The following WDPCP variants were observed in gnomAD, a reference collection of about 807,000 sequenced individuals.
WDPCP encodes WD repeat containing planar cell polarity effector, also known as WD repeat-containing and planar cell polarity effector protein fritz homolog.
WDPCP carries 71 observed loss-of-function variants against 93.1 expected under a neutral mutation model. The ratio of observed to expected loss-of-function variants is 0.76; its 90% CI spans 0.63 to 0.93. The LOEUF is 0.93. Ranked by LOEUF, WDPCP falls within the 40% of genes least tolerant of loss-of-function variation. WDPCP has a pLI of 0.00. For missense variants in WDPCP, 844 were observed against 887.4 expected, an observed-to-expected ratio of 0.95 and a Z score of 0.62; for synonymous variants, 315 against 315.0, an observed-to-expected ratio of 1.00 and a Z score of 0.00.
chr2:63,527,872 C>T (rs1703471663), intron 1 of WDPCP, among the ~76,000 whole-genome samples: 1 of 152,026 alleles, frequency 6.6e-6, no homozygotes, highest in Admixed American at 6.5e-5. Context: ...CACAGCCTCT[C>T]CAAGACCTGT....
chr2:63,341,853 C>T (rs1688863729), intron 12 of WDPCP, among the ~76,000 whole-genome samples: 1 of 152,096 alleles, frequency 6.6e-6, no homozygotes, highest in Non-Finnish European at 1.5e-5. Flanking sequence ...TACAGCCACC[C>T]CACCTCTCTT....
intron 1 of WDPCP, among the ~76,000 whole-genome samples, chr2:63,552,755 A>C (rs1705775911): frequency 6.6e-6 from 1 of 152,254 alleles, no homozygotes; most frequent in Admixed American, 6.5e-5. Flanking sequence ...AATACAGAGA[A>C]ATCATTAGGG....
At chr2:63,165,726 C>G (rs1672918571) in intron 15 of WDPCP, among the ~76,000 whole-genome samples, 1 of 150,792 alleles carries the variant, frequency 6.6e-6, no homozygotes, top group South Asian at 2.1e-4. Context: ...TTTTCAAATT[C>G]ATTTGCATAG....
chr2:63,151,538 CT>C (rs978978631), intron 17 of WDPCP, among the ~76,000 whole-genome samples: 1 of 151,970 alleles, frequency 6.6e-6, no homozygotes, highest in East Asian at 1.9e-4. Flanking sequence ...TGTTGTTGTT[CT>C]TTTTTTAAAA....
At chr2:63,781,932 T>G (rs1217111258) in intron 2 of WDPCP, among the ~76,000 whole-genome samples, 2 of 152,108 alleles carry the variant, frequency 1.3e-5, no homozygotes, top group Non-Finnish European at 2.9e-5. Flanking sequence ...CCTATGTGTG[T>G]GTGTATATAA....
intron 2 of WDPCP, among the ~76,000 whole-genome samples, chr2:63,729,530 A>G (rs1225495396): frequency 2.0e-5 from 3 of 152,144 alleles, no homozygotes; most frequent in African/African-American, 7.2e-5. Context: ...GCCAGGACCC[A>G]CATCTCCTAA....
chr2:63,509,998 A>G (rs1263358745), intron 1 of WDPCP, among the ~76,000 whole-genome samples: 5 of 151,002 alleles, frequency 3.3e-5, no homozygotes, highest in Non-Finnish European at 7.4e-5. Context: ...ATTCTACCAG[A>G]GGTACAAAGA....
At chr2:63,562,666 A>C (rs922690017) in intron 1 of WDPCP, among the ~76,000 whole-genome samples, 7 of 152,204 alleles carry the variant, frequency 4.6e-5, no homozygotes, top group Non-Finnish European at 1.0e-4. Flanking sequence ...TTTTCTACAT[A>C]AGTTGGTATT....
At chr2:63,833,974 T>TACACAC in the WDPCP span, among the ~76,000 whole-genome samples, 1 of 149,784 alleles carries the variant, frequency 6.7e-6, no homozygotes, top group Non-Finnish European at 1.5e-5. Context: ...TATGCCAACA[T>TACACAC]ACACACACAC....
intron 1 of WDPCP, among the ~76,000 whole-genome samples, chr2:63,573,284 T>C (rs1269670793): frequency 2.6e-5 from 4 of 151,986 alleles, no homozygotes; most frequent in African/African-American, 4.8e-5. Flanking sequence ...GATTCCTTTA[T>C]ATAACTGGCT....
At chr2:63,262,539 CAAAAAAAAA>C (rs5831658) in intron 13 of WDPCP, among the ~76,000 whole-genome samples, 12 of 130,086 alleles carry the variant, frequency 9.2e-5, no homozygotes, top group African/African-American at 3.4e-4. Context: ...CCATATAAGC[CAAAAAAAAA>C]AAAAAAAAGA....
rs910668757 is a variant in WDPCP, at chr2:63,120,346, G to C, written c.*1660C>G. Among the ~76,000 whole-genome samples the C allele has an allele frequency of 1.1e-4, 17 of 151,966 alleles. No homozygotes were observed. The highest frequency in any genetic ancestry group is 4.1e-4 in the African/African-American group (17 of 41,370). ...AATAACAAAATGAAAAATCTAATTTGAGTTTCACCTTTTTTTGTCATACCC... is the reference window on the plus strand; with the variant it reads ...AATAACAAAATGAAAAATCTAATTTCAGTTTCACCTTTTTTTGTCATACCC... On this transcript the variant is annotated 3_prime_UTR_variant, in exon 18 of 18. Coordinates refer to ENST00000272321, the MANE Select transcript of WDPCP (RefSeq NM_015910.7).
intron 14 of WDPCP, among the ~76,000 whole-genome samples, chr2:63,208,735 C>T (rs1676526517): frequency 6.6e-6 from 1 of 152,088 alleles, no homozygotes; most frequent in Admixed American, 6.6e-5. Context: ...ATTAGAAGTC[C>T]CCCTACCTTC....
At chr2:63,696,549 C>A (rs1397708562) in intron 2 of WDPCP, among the ~76,000 whole-genome samples, 1 of 152,154 alleles carries the variant, frequency 6.6e-6, no homozygotes, top group African/African-American at 2.4e-5. Flanking sequence ...CAAGAGAAGG[C>A]AGAGCAGGAC....
chr2:63,689,967 C>G (rs776958068), intron 2 of WDPCP, among the ~76,000 whole-genome samples: 15 of 152,176 alleles, frequency 9.9e-5, no homozygotes, highest in Non-Finnish European at 1.6e-4. Context: ...GGAGCTAAGA[C>G]AGATGTGAGC....
At chr2:63,300,855 A>G (rs1395790749) in intron 13 of WDPCP, among the ~76,000 whole-genome samples, 1 of 152,064 alleles carries the variant, frequency 6.6e-6, no homozygotes, top group African/African-American at 2.4e-5. Flanking sequence ...TGGAGAGTAC[A>G]TGGCATTTCC....
rs527783509 is a variant in WDPCP at position 63,774,805 on chromosome 2, C to A, written n.308+38817G>T. Among the ~76,000 whole-genome samples the A allele has an allele frequency of 1.2e-4, 18 of 152,176 alleles. No homozygotes were observed. In the South Asian group the frequency reaches 1.7e-3, roughly 14 times the overall value. ...TCCACTACAATGGTCTCAGAGCAGG[C>A]CCCTCATTTTCATTTTCGTAGACTG... On this transcript the variant is annotated intron_variant and non_coding_transcript_variant, in intron 2 of 4. Coordinates refer to the WDPCP transcript ENST00000467687.
Position 63,484,985 on chromosome 2 carries a change from G to T in WDPCP, c.256C>A (p.Arg86=). The T allele has an allele frequency of 6.2e-7, 1 of 1,612,416 alleles. No individual in the cohort carries two copies. The highest frequency in any genetic ancestry group is 2.2e-5 in the East Asian group (1 of 44,852). ...LEKKQKLAES[R]DYPWTLKNRR... ...TTTTTGAGCGTCCAAGGATAATCTC[G>T]TGCTGGCAAATAAAACATGTACTAC... Residue 86 remains arginine, a splice_region_variant and synonymous_variant, in exon 5 of 18, where the codon CGA becomes AGA. Transcript: ENST00000272321.
intron 2 of WDPCP, among the ~76,000 whole-genome samples, chr2:63,752,870 T>C (rs2103888336): frequency 6.6e-6 from 1 of 152,136 alleles, no homozygotes; most frequent in Non-Finnish European, 1.5e-5. Context: ...TTTTGTATTT[T>C]TTAAGTAGAG....
Sources: gnomAD v4.1 joint callset for allele counts (sites outside exome capture counted in the v4.1 genomes callset) on GRCh38, gnomAD v4.1.1 for gene constraint, MANE v1.5 for transcripts, NCBI Gene and HGNC (gene_info 2026-07-23, HGNC 2026-07-21) for gene names.